Variants in TMEM38B observed in about 807,000 individuals in gnomAD.
The protein encoded by TMEM38B is transmembrane protein 38B.
Under a neutral mutation model 28.7 loss-of-function variants are expected in TMEM38B, and 24 were observed. That is an observed-to-expected ratio of 0.84 (90% CI 0.61 to 1.18). The LOEUF (loss-of-function observed/expected upper bound fraction) is 1.18, where lower values mean the gene tolerates loss of function less well. TMEM38B is among the 50% of genes most tolerant of loss of function. The pLI, the probability that TMEM38B is intolerant of heterozygous loss-of-function variation, is 0.00. For missense variants in TMEM38B, 380 were observed against 350.9 expected (o/e 1.08, Z -0.66); for synonymous variants, 131 against 127.7 (o/e 1.03, Z -0.17).
chr9:105,772,306 C>A (rs533728605), intron 5 of TMEM38B, among the ~76,000 whole-genome samples: 1 of 152,150 alleles, frequency 6.6e-6, no homozygotes, highest in Non-Finnish European at 1.5e-5. Context: ...CACTTCCATG[C>A]GACATCCTCC....
At chr9:105,770,255 T>C (rs1182544526) in intron 5 of TMEM38B, among the ~76,000 whole-genome samples, 1 of 152,190 alleles carries the variant, frequency 6.6e-6, no homozygotes, top group African/African-American at 2.4e-5. Context: ...GAGCAGGAGA[T>C]ATGCTAACTT....
At chr9:105,714,109 G>T (rs1836008334) in intron 2 of TMEM38B, among the ~76,000 whole-genome samples, 1 of 136,134 alleles carries the variant, frequency 7.3e-6, no homozygotes, top group African/African-American at 3.0e-5. Context: ...AGCACTTGTT[G>T]GGATGACCTG....
chr9:105,701,901 A>T (rs1835473250), intron 1 of TMEM38B, among the ~76,000 whole-genome samples: 1 of 152,174 alleles, frequency 6.6e-6, no homozygotes, highest in Admixed American at 6.6e-5. Context: ...ATGTGGATCT[A>T]CCTGGCCCAC....
In TMEM38B at chr9:105,758,016, A is replaced by G; in HGVS notation, c.660+9826A>G. On this transcript the variant is annotated intron_variant, in intron 5 of 5. Transcript: ENST00000374692. ...AAGGTATGGTACGGGGCACAACTTT[A>G]TCAGAACCACTTTAAAAAAATTCTT... 1.3e-5 allele frequency: 3 copies of G among 232,826 alleles called. No homozygotes were observed. In the East Asian group the frequency reaches 3.0e-4, roughly 23 times the overall value. 14.4% of individuals were successfully genotyped at this position (232,826 alleles called of 1,614,324 possible). A position where few individuals can be genotyped will look rare whatever the true frequency, so the allele number is the denominator to read the frequency against.
intron 4 of TMEM38B, among the ~76,000 whole-genome samples, chr9:105,740,144 A>G (rs112718380): frequency 1.3e-3 from 201 of 152,180 alleles, no homozygotes; most frequent in African/African-American, 4.6e-3. Flanking sequence ...TGGCCTCCGA[A>G]AGTGTTGGGC....
chr9:105,738,456 T>G (rs928698968), intron 4 of TMEM38B, among the ~76,000 whole-genome samples: 3 of 152,124 alleles, frequency 2.0e-5, no homozygotes, highest in Admixed American at 6.5e-5. Flanking sequence ...TCTGGTACTT[T>G]CCTTTAGTTA....
At chr9:105,745,178 GT>G (rs1251420205) in intron 4 of TMEM38B, among the ~76,000 whole-genome samples, 1 of 152,124 alleles carries the variant, frequency 6.6e-6, no homozygotes, top group Non-Finnish European at 1.5e-5. Flanking sequence ...CTTCACAATG[GT>G]TGAACTAGTT....
chr9:105,756,843 C>T (rs1383378354), intron 5 of TMEM38B, among the ~76,000 whole-genome samples: 2 of 152,068 alleles, frequency 1.3e-5, no homozygotes, highest in Non-Finnish European at 2.9e-5. Context: ...AATTCATTTG[C>T]CTAAATCCCA....
rs757427556 is a variant in TMEM38B, at chr9:105,721,656, T to G, written c.389T>G (p.Val130Gly). The G allele has an allele frequency of 5.6e-6, 9 of 1,613,442 alleles. No individual in the cohort carries two copies. Among genetic ancestry groups the G allele is most frequent in the Non-Finnish European group, 7.6e-6 (9 of 1,179,580 alleles). ...AGAACTTGGAAAATAGTAGGTGGAG[T>G]CACACATGCTAATAGCTATTACAAA... is the stretch of plus-strand genomic sequence containing the variant. ...VTRTWKIVGG[V>G]THANSYYKNG... The change falls in exon 3 of 6, where the codon GTC (valine) becomes GGC (glycine). Residue 130 changes from valine (V) to glycine (G), a missense_variant. By Grantham distance (109) the Val-to-Gly change is moderately radical. Transcript: ENST00000374692.
intron 5 of TMEM38B, among the ~76,000 whole-genome samples, chr9:105,753,641 T>A (rs1238695158): frequency 2.6e-5 from 4 of 152,176 alleles, no homozygotes; most frequent in Non-Finnish European, 5.9e-5. Context: ...CCACCAGGCC[T>A]GCTTTGCAAG....
chr9:105,746,003 G>C (rs1837377550), intron 4 of TMEM38B, among the ~76,000 whole-genome samples: 1 of 152,160 alleles, frequency 6.6e-6, no homozygotes, highest in African/African-American at 2.4e-5. Flanking sequence ...ATAGTTTGAA[G>C]TCAGGTAGCA....
intron 2 of TMEM38B, chr9:105,710,641 G>A: frequency 1.4e-6 from 1 of 739,184 alleles, no homozygotes; most frequent in Non-Finnish European, 2.5e-6. Context: ...TGGATGGTGA[G>A]TGTGGAAATC....
At chr9:105,741,267 A>C (rs1261717652) in intron 4 of TMEM38B, among the ~76,000 whole-genome samples, 1 of 152,176 alleles carries the variant, frequency 6.6e-6, no homozygotes, top group African/African-American at 2.4e-5. Context: ...CACTAGCCAC[A>C]GGAAAGTAAT....
At chr9:105,745,315 A>C (rs1347076195) in intron 4 of TMEM38B, among the ~76,000 whole-genome samples, 4 of 152,108 alleles carry the variant, frequency 2.6e-5, no homozygotes, top group African/African-American at 9.7e-5. Flanking sequence ...TGTGGTTATG[A>C]TTTGCATTTC....
At chr9:105,750,770 T>G (rs1287810634) in intron 5 of TMEM38B, among the ~76,000 whole-genome samples, 1 of 152,210 alleles carries the variant, frequency 6.6e-6, no homozygotes, top group Non-Finnish European at 1.5e-5. Context: ...AGTTTTATAG[T>G]TTTAGCTCTT....
chr9:105,763,109 G>GT (rs1564417094), intron 5 of TMEM38B, among the ~76,000 whole-genome samples: 4 of 149,582 alleles, frequency 2.7e-5, no homozygotes, highest in African/African-American at 7.4e-5. Flanking sequence ...GGGGTTGTTT[G>GT]TTTTTTTCTT....
At chr9:105,698,116 AT>A (rs61494079) in intron 1 of TMEM38B, among the ~76,000 whole-genome samples, 51 of 144,892 alleles carry the variant, frequency 3.5e-4, no homozygotes, top group Admixed American at 1.4e-3. Flanking sequence ...TTAGCGTCCC[AT>A]TTTTTTTTTT....
chr9:105,703,943 G>T (rs1372156772), intron 1 of TMEM38B, among the ~76,000 whole-genome samples: 5 of 152,104 alleles, frequency 3.3e-5, no homozygotes, highest in African/African-American at 1.2e-4. Flanking sequence ...AGATTCTGAT[G>T]AAACTGGAAA....
intron 1 of TMEM38B, chr9:105,701,616 C>T (rs1056582482): frequency 1.3e-5 from 2 of 152,172 alleles, no homozygotes; most frequent in Admixed American, 6.6e-5. Flanking sequence ...TCTCCAAGAT[C>T]CATCTGTCTT....
Sources: allele counts gnomAD v4.1 joint callset (sites outside exome capture counted in the v4.1 genomes callset), GRCh38; gene constraint gnomAD v4.1.1; transcripts MANE v1.5; gene names NCBI Gene and HGNC (gene_info 2026-07-23, HGNC 2026-07-21).